GABRR3: variants seen among roughly 807,000 people sequenced by gnomAD.
GABRR3 encodes the protein gamma-aminobutyric acid type A receptor subunit rho3.
GABRR3 carries 29 observed loss-of-function variants against 43.2 expected under a neutral mutation model. That is an observed-to-expected ratio of 0.67 (90% CI 0.50 to 0.92). The LOEUF is 0.92. Among genes scored for constraint, GABRR3 ranks in the 40% least tolerant of loss-of-function variants. The pLI is 0.00. For synonymous variants in GABRR3, 206 were observed against 195.9 expected (o/e 1.05, Z -0.43); for missense variants, 576 against 572.3 (o/e 1.01, Z -0.07).
intron 8 of GABRR3, among the ~76,000 whole-genome samples, chr3:97,994,730 C>T (rs1706513888): frequency 6.6e-6 from 1 of 152,172 alleles, no homozygotes; most frequent in Admixed American, 6.5e-5. Flanking sequence ...AAATAATTAG[C>T]CACACATAAC....
chr3:98,003,430 T>TC (rs1307501769), intron 7 of GABRR3, among the ~76,000 whole-genome samples: 1 of 151,422 alleles, frequency 6.6e-6, no homozygotes, highest in Admixed American at 6.6e-5. Context: ...TTTTTTTTTT[T>TC]TGGTGGGGTG....
chr3:97,988,078 C>G (rs763868994), intron 9 of GABRR3, among the ~76,000 whole-genome samples: 1 of 151,918 alleles, frequency 6.6e-6, no homozygotes, highest in Non-Finnish European at 1.5e-5. Flanking sequence ...CAGTTCCAGC[C>G]CGGATGGGGC....
intron 7 of GABRR3, 43 bp downstream of exon 7, chr3:98,007,721 T>C (rs372807135): frequency 3.9e-5 from 63 of 1,607,966 alleles, no homozygotes; most frequent in Non-Finnish European, 5.1e-5. Context: ...AAACAGTAGA[T>C]GTCCAATAAA....
rs376016914 is a variant in GABRR3, at chr3:97,995,886, G to T, written c.908-2838C>A. Among the ~76,000 whole-genome samples the T allele has an allele frequency of 2.4e-4, 37 of 152,312 alleles. No homozygotes were observed. The East Asian group carries it at 6.7e-3, about 28-fold the overall frequency. The stretch of plus-strand genomic sequence containing the variant: ...AAAGGAAGGTCATGTGTTTGGATTA[G>T]AAAATTATCTTCCCCACTACTGATG... On this transcript the variant is annotated intron_variant, in intron 8 of 9. Transcript: ENST00000621172.
chr3:97,990,566 G>A (rs1706452862), intron 9 of GABRR3, among the ~76,000 whole-genome samples: 1 of 151,972 alleles, frequency 6.6e-6, no homozygotes, highest in South Asian at 2.1e-4. Context: ...AGGCTGGTCT[G>A]GAATTCCTGA....
chr3:98,008,521 C>T (rs73140883), intron 6 of GABRR3, among the ~76,000 whole-genome samples: 2,861 of 152,148 alleles, frequency 0.019, 33 homozygotes, highest in Non-Finnish European at 0.031. Flanking sequence ...TGTGATGGGG[C>T]TTTGATTAGG....
At chr3:98,034,414 C>T (rs932574634) in intron 2 of GABRR3, among the ~76,000 whole-genome samples, 48 of 152,162 alleles carry the variant, frequency 3.2e-4, no homozygotes, top group African/African-American at 1.1e-3. Flanking sequence ...AGACAAATGG[C>T]TTTAATGCCT....
At chr3:97,985,268 A>G (rs1275353282), downstream of GABRR3, among the ~76,000 whole-genome samples, 9 of 152,250 alleles carry the variant, frequency 5.9e-5, no homozygotes, top group Admixed American at 5.9e-4. Context: ...AACACTGATC[A>G]TAGGAGGTTT....
intron 4 of GABRR3, among the ~76,000 whole-genome samples, chr3:98,013,555 T>G (rs535975184): frequency 2.6e-5 from 4 of 152,346 alleles, no homozygotes; most frequent in African/African-American, 9.6e-5. Flanking sequence ...AATCAAATTT[T>G]TCTTGAACCA....
At chr3:98,008,687 G>T (rs1426043295) in intron 6 of GABRR3, among the ~76,000 whole-genome samples, 1 of 151,422 alleles carries the variant, frequency 6.6e-6, no homozygotes, top group Admixed American at 6.6e-5. Context: ...TTTTTAGGGA[G>T]CTGTTCCTTT....
At chr3:98,030,210 A>G (rs1031983808) in intron 2 of GABRR3, among the ~76,000 whole-genome samples, 1 of 152,098 alleles carries the variant, frequency 6.6e-6, no homozygotes, top group Non-Finnish European at 1.5e-5. Flanking sequence ...CTCAAGAACT[A>G]TAAAAATATT....
chr3:98,007,903 A>T lies in GABRR3; in HGVS notation c.615T>A (p.Tyr205Ter), dbSNP rs832032. 308,714 of 1,554,836 alleles carry T rather than the reference A, an allele frequency of 0.2. 32,408 individuals are homozygous for T. The highest frequency in any genetic ancestry group is 0.28 in the African/African-American group (20,447 of 73,022). Reference sequence around the variant, plus strand: ...GCATTAGGTCATCCTCATTGTAGGCATCTAAAACATGAAAATATCAGTCTT... The same window carrying T: ...GCATTAGGTCATCCTCATTGTAGGCTTCTAAAACATGAAAATATCAGTCTT... Residue 205 changes from tyrosine to a stop codon, truncating the protein, a stop_gained and splice_region_variant, in exon 7 of 10, where the codon TAT becomes TAA. Transcript: ENST00000621172. LOFTEE classifies it high-confidence loss of function.
intron 2 of GABRR3, among the ~76,000 whole-genome samples, chr3:98,030,011 A>G (rs1396085341): frequency 1.3e-5 from 2 of 151,650 alleles, no homozygotes; most frequent in Non-Finnish European, 2.9e-5. Flanking sequence ...TCTACTCAGG[A>G]GGCCGAGGCA....
intron 3 of GABRR3, among the ~76,000 whole-genome samples, chr3:98,020,725 G>C (rs1234787763): frequency 1.3e-5 from 2 of 152,070 alleles, no homozygotes; most frequent in Non-Finnish European, 2.9e-5. Flanking sequence ...TGTCTATTAG[G>C]AATGGGTTTC....
chr3:97,998,006 A>G (rs1706585533), intron 8 of GABRR3: 1 of 152,168 alleles, frequency 6.6e-6, no homozygotes, highest in African/African-American at 2.4e-5. Context: ...TATCTCCACT[A>G]CTAGAAATGA....
rs567948886 is a variant in GABRR3, at chr3:98,008,548, T to C, written c.613+408A>G. Among the ~76,000 whole-genome samples, 9 of 152,108 alleles carry C rather than the reference T, an allele frequency of 5.9e-5. No homozygotes were observed. In the South Asian group the frequency reaches 1.9e-3, roughly 32 times the overall value. ...TTGATTAGGGGGTCTATGTCTAGAG[T>C]CAGATTTTTCTAGGGAATCCAAGTC... On this transcript the variant is annotated intron_variant, in intron 6 of 9. Coordinates refer to ENST00000621172, the Ensembl canonical transcript of GABRR3.
At chr3:97,993,096 C>A (rs1434383542) in intron 8 of GABRR3, 48 bp from the exon 9 acceptor site, 1 of 1,443,120 alleles carries the variant, frequency 6.9e-7, no homozygotes, top group East Asian at 2.4e-5. Context: ...CCATTCATTT[C>A]CAGGATCTGG....
intron 3 of GABRR3, among the ~76,000 whole-genome samples, chr3:98,024,284 G>A (rs1706983997): frequency 6.6e-6 from 1 of 151,036 alleles, no homozygotes; most frequent in Non-Finnish European, 1.5e-5. Context: ...ACTTGAATCT[G>A]GGAAGTGGAG....
intron 2 of GABRR3, among the ~76,000 whole-genome samples, chr3:98,029,661 G>A (rs1052472413): frequency 9.2e-5 from 14 of 152,118 alleles, no homozygotes; most frequent in African/African-American, 3.1e-4. Context: ...GGTCTGACAC[G>A]AAGAGACTAG....
Sources: gnomAD v4.1 joint callset for allele counts (sites outside exome capture counted in the v4.1 genomes callset) on GRCh38, gnomAD v4.1.1 for gene constraint, MANE v1.5 for transcripts, NCBI Gene and HGNC (gene_info 2026-07-23, HGNC 2026-07-21) for gene names.